The following MDN1 variants were observed in gnomAD, a reference collection of about 807,000 sequenced individuals.
MDN1 encodes midasin.
Under a neutral mutation model 669.2 loss-of-function variants are expected in MDN1, and 266 were observed. The ratio of observed to expected loss-of-function variants is 0.40; its 90% CI spans 0.36 to 0.44. The LOEUF (loss-of-function observed/expected upper bound fraction) is 0.44. Among genes scored for constraint, MDN1 ranks in the 20% least tolerant of loss-of-function variants. The pLI, the probability that MDN1 is intolerant of heterozygous loss-of-function variation, is 1.00. For missense variants in MDN1, 5,940 were observed against 6,754.0 expected (o/e 0.88, Z 4.22); for synonymous variants, 2,385 against 2,457.1 (o/e 0.97, Z 0.87).
chr6:89,815,065 T>C, intron 1 of MDN1: 1 of 475,508 alleles, frequency 2.1e-6, no homozygotes, highest in Admixed American at 2.8e-5. Context: ...GGGAGAGCAG[T>C]GTCTCCCCAA....
chr6:89,737,169 G>A (rs190485609), intron 33 of MDN1, among the ~76,000 whole-genome samples: 2 of 152,098 alleles, frequency 1.3e-5, no homozygotes, highest in African/African-American at 2.4e-5. Context: ...AGCAGTGTGC[G>A]TACCTATAAA....
At chr6:89,806,307 C>CA (rs1285290464) in intron 1 of MDN1, among the ~76,000 whole-genome samples, 5 of 152,080 alleles carry the variant, frequency 3.3e-5, no homozygotes, top group African/African-American at 1.2e-4. Context: ...ACTGGTCAGA[C>CA]ATGGTGGTAC....
At chr6:89,683,107 C>A (rs1188792155) in intron 73 of MDN1, 25 bp downstream of exon 73, 1 of 1,612,254 alleles carries the variant, frequency 6.2e-7, no homozygotes, top group African/African-American at 1.3e-5. Flanking sequence ...TGGGAATAAG[C>A]CAGCACTGTC....
intron 97 of MDN1, among the ~76,000 whole-genome samples, chr6:89,648,985 T>C (rs1364205198): frequency 7.4e-6 from 1 of 135,728 alleles, no homozygotes; most frequent in Non-Finnish European, 1.7e-5. Context: ...CAAGACCCTG[T>C]CTTTAAAAAA....
At chr6:89,815,405 A>C (rs931082502) in intron 1 of MDN1, 1 of 392,006 alleles carries the variant, frequency 2.6e-6, no homozygotes, top group African/African-American at 2.1e-5. Flanking sequence ...CCCTGCAGGA[A>C]ACAAGCCCTG....
intron 39 of MDN1, 51 bp downstream of exon 39, chr6:89,723,461 G>C (rs925882555): frequency 1.8e-6 from 2 of 1,120,250 alleles, no homozygotes; most frequent in Middle Eastern, 2.2e-4. Context: ...AAAAAATACT[G>C]GTTCAAATAC....
At chr6:89,725,940 C>T (rs1193278382) in intron 37 of MDN1, among the ~76,000 whole-genome samples, 4 of 129,048 alleles carry the variant, frequency 3.1e-5, no homozygotes, top group African/African-American at 9.4e-5. Flanking sequence ...TACACACACA[C>T]ACACACACAC....
At chr6:89,684,356 CA>C (rs1238115576) in intron 71 of MDN1, among the ~76,000 whole-genome samples, 1 of 120,400 alleles carries the variant, frequency 8.3e-6, no homozygotes, top group Non-Finnish European at 1.8e-5. Context: ...AAAACAAAAA[CA>C]AAAACAACAA....
intron 37 of MDN1, among the ~76,000 whole-genome samples, chr6:89,726,814 A>C (rs760698233): frequency 6.6e-6 from 1 of 152,332 alleles, no homozygotes; most frequent in Middle Eastern, 3.4e-3. Flanking sequence ...ATTAAAATGC[A>C]AACAGGCAAA....
At chr6:89,684,747 T>C (rs1811891863) in intron 71 of MDN1, 129 bp downstream of exon 71, 2 of 585,196 alleles carry the variant, frequency 3.4e-6, no homozygotes, top group African/African-American at 3.7e-5. Flanking sequence ...CCATCCTCCC[T>C]AGCGGTGGCA....
Position 89,804,905 on chromosome 6 carries a change from A to G in MDN1, c.103-1351T>C, listed in dbSNP as rs550643629. Among the ~76,000 whole-genome samples the G allele has an allele frequency of 9.9e-5, 15 of 151,922 alleles. No homozygotes were observed. In the South Asian group the frequency reaches 2.7e-3, roughly 28 times the overall value. On this transcript the variant is annotated intron_variant, in intron 1 of 101. Coordinates refer to ENST00000369393, the MANE Select transcript of MDN1 (RefSeq NM_014611.3). Reference sequence around the variant, plus strand: ...AAAAAAATTAGCTGGGCGAGGTGGCAGGCGCCTGTAGTCCCAGCTACTCGG... The same window carrying G: ...AAAAAAATTAGCTGGGCGAGGTGGCGGGCGCCTGTAGTCCCAGCTACTCGG...
chr6:89,699,510 G>A (rs1812993647), intron 58 of MDN1, 91 bp downstream of exon 58: 2 of 1,419,738 alleles, frequency 1.4e-6, no homozygotes, highest in East Asian at 4.8e-5. Context: ...GGAATTTTGA[G>A]AATAAATAAA....
chr6:89,722,840 C>A (rs1201655978), intron 40 of MDN1, 115 bp downstream of exon 40: 60 of 932,384 alleles, frequency 6.4e-5, no homozygotes, highest in Non-Finnish European at 3.8e-5. Flanking sequence ...GAGTGAAACC[C>A]AGTCTCAAAA....
At chr6:89,799,194 G>GTGCA (rs1279686784) in intron 2 of MDN1, among the ~76,000 whole-genome samples, 1 of 152,170 alleles carries the variant, frequency 6.6e-6, no homozygotes, top group Non-Finnish European at 1.5e-5. Context: ...TGAAAAGAAA[G>GTGCA]TGCATGCTCC....
intron 33 of MDN1, among the ~76,000 whole-genome samples, chr6:89,737,469 A>G (rs1433274061): frequency 2.0e-5 from 3 of 152,156 alleles, no homozygotes; most frequent in Non-Finnish European, 4.4e-5. Context: ...TCTGGGTTCT[A>G]AATTTATTCC....
At chr6:89,805,595 TAA>T (rs1278774589) in intron 1 of MDN1, among the ~76,000 whole-genome samples, 1 of 152,148 alleles carries the variant, frequency 6.6e-6, no homozygotes, top group Non-Finnish European at 1.5e-5. Context: ...GTCACCTATA[TAA>T]GTGTACCTTG....
Position 89,716,773 on chromosome 6 carries a change from C to A in MDN1, c.6620G>T (p.Gly2207Val), listed in dbSNP as rs761248908. The A allele has an allele frequency of 5.0e-6, 8 of 1,612,746 alleles. No individual in the cohort carries two copies. The Admixed American group carries it at 1.3e-4, about 27-fold the overall frequency. ...ACTGGCCAACTGCGTAAGCTTCACA[C>A]CAAAGCTTCGGAACTCTTCAACAAG... ...AKLVEEFRSF[G>V]VKLTQLASGH... The change falls in exon 44 of 102, where the codon GGT becomes GTT. Residue 2207 changes from glycine to valine, a missense_variant. Coordinates refer to ENST00000369393, the MANE Select transcript of MDN1 (RefSeq NM_014611.3).
In MDN1 at chr6:89,688,782, C is replaced by A. The variant is rs2128307761; in HGVS notation, c.11050G>T (p.Gly3684Cys). Residue 3684 changes from glycine to cysteine, a missense_variant, in exon 66 of 102, where the codon GGC becomes TGC. Physicochemically the swap from Gly to Cys is radical, Grantham distance 159 (BLOSUM62 -3). Around this residue, in one of 5 missense-constraint regions of MDN1, gnomAD observed 2,280 missense variants for 2,576.3 expected, o/e 0.88. Transcript: ENST00000369393. Reference protein sequence around the residue: ...MGVELNDRLLGSQLLACTLSH... With the variant: ...MGVELNDRLLCSQLLACTLSH... ...AGGGTACAGGCCAAAAGTTGGCTGCCCAAGAGTCGGTCATTCAGTTCAACT... is the reference window on the plus strand; with the variant it reads ...AGGGTACAGGCCAAAAGTTGGCTGCACAAGAGTCGGTCATTCAGTTCAACT... 3.7e-6 allele frequency: 6 copies of A among 1,614,104 alleles called. No homozygotes were observed. The East Asian group carries it at 1.3e-4, about 36-fold the overall frequency.
chr6:89,677,447 T>C, intron 76 of MDN1, 123 bp downstream of exon 76: 1 of 1,260,272 alleles, frequency 7.9e-7, no homozygotes, highest in South Asian at 1.5e-5. Flanking sequence ...CAGGCACTTT[T>C]GTAAGTGGTA....
Sources: gnomAD v4.1 joint callset for allele counts (sites outside exome capture counted in the v4.1 genomes callset) on GRCh38, gnomAD v4.1.1 for gene constraint, gnomAD v4.1.1 regional missense constraint, MANE v1.5 for transcripts, NCBI Gene and HGNC (gene_info 2026-07-23, HGNC 2026-07-21) for gene names.